WWOX: variants seen among roughly 807,000 people sequenced by gnomAD.
The protein encoded by WWOX is WW domain containing oxidoreductase, also known as WW domain-containing oxidoreductase.
A neutral mutation model predicts 46.2 loss-of-function variants in WWOX; 69 were observed. The observed-to-expected ratio is 1.49, with a 90% confidence interval of 1.23 to 1.82. WWOX has a LOEUF of 1.82. Ranked by LOEUF, WWOX falls within the 40% of genes most tolerant of loss-of-function variation. The pLI is 0.00. For missense variants in WWOX, 919 were observed against 542.6 expected, an observed-to-expected ratio of 1.69 and a Z score of -6.89; for synonymous variants, 359 against 202.6, an observed-to-expected ratio of 1.77 and a Z score of -6.56.
chr16:79,210,570 T>C (rs1265510403), intron 8 of WWOX, among the ~76,000 whole-genome samples: 1 of 152,154 alleles, frequency 6.6e-6, no homozygotes, highest in Non-Finnish European at 1.5e-5. Flanking sequence ...GCAACCCCTC[T>C]CCCTCTCATC....
At chr16:78,425,175 C>T (rs1179686232) in intron 7 of WWOX, 120 bp downstream of exon 7, 3 of 1,332,768 alleles carry the variant, frequency 2.3e-6, no homozygotes, top group Non-Finnish European at 3.2e-6. Context: ...TGGGTGGACT[C>T]AGCTTGGCTC....
At chr16:78,864,992 A>G (rs1464909806) in intron 8 of WWOX, among the ~76,000 whole-genome samples, 3 of 151,510 alleles carry the variant, frequency 2.0e-5, no homozygotes, top group African/African-American at 7.3e-5. Flanking sequence ...TGAACTCCTG[A>G]CCTCAAGTGA....
intron 8 of WWOX, among the ~76,000 whole-genome samples, chr16:78,948,003 G>C (rs1273614507): frequency 6.6e-6 from 1 of 152,228 alleles, no homozygotes; most frequent in Non-Finnish European, 1.5e-5. Flanking sequence ...CAAAGGCAGA[G>C]GGAGGAAGGG....
At chr16:78,654,536 T>C (rs2047038251) in intron 8 of WWOX, among the ~76,000 whole-genome samples, 1 of 152,208 alleles carries the variant, frequency 6.6e-6, no homozygotes, top group African/African-American at 2.4e-5. Context: ...CTGAGCTCTT[T>C]GGAGAAGAGG....
intron 5 of WWOX, among the ~76,000 whole-genome samples, chr16:78,209,216 G>A (rs1042769330): frequency 1.1e-4 from 17 of 150,962 alleles, no homozygotes; most frequent in African/African-American, 4.1e-4. Context: ...ATTTGTTGTC[G>A]TGATGTGACT....
chr16:79,015,809 C>T (rs1056449026), intron 8 of WWOX, among the ~76,000 whole-genome samples: 3 of 152,076 alleles, frequency 2.0e-5, no homozygotes, highest in African/African-American at 4.8e-5. Flanking sequence ...TGGAGTGCAG[C>T]GGTGTGATCT....
Position 78,819,073 on chromosome 16 carries a change from C to T in WWOX, c.1056+386321C>T, listed in dbSNP as rs58904449. On this transcript the variant is annotated intron_variant, in intron 8 of 8. Transcript: ENST00000566780. ...CGAAGCACTTAGCACATGAGCAGGC[C>T]CATAGTACTCAGGTGTTCATTCCAC... Among the ~76,000 whole-genome samples, 749 of 152,246 alleles carry T rather than the reference C, an allele frequency of 4.9e-3. 9 individuals are homozygous for T. Among genetic ancestry groups the T allele is most frequent in the African/African-American group, 0.017 (705 of 41,518 alleles).
intron 5 of WWOX, among the ~76,000 whole-genome samples, chr16:78,313,808 C>G (rs950866548): frequency 1.3e-5 from 2 of 152,200 alleles, no homozygotes; most frequent in Non-Finnish European, 1.5e-5. Context: ...TTTGGTTTCA[C>G]TAGCCTTTGA....
In WWOX at chr16:79,163,017, A is replaced by G. The variant is rs58117090; in HGVS notation, c.1057-48591A>G. On this transcript the variant is annotated intron_variant, in intron 8 of 8. Transcript: ENST00000566780. The stretch of plus-strand genomic sequence containing the variant: ...TATGGTTTAGAGAAAGCGCCTTTCA[A>G]CAGTCACATGCAAGTATTCTTTCAG... Among the ~76,000 whole-genome samples, 1,180 of 152,364 alleles carry G rather than the reference A, an allele frequency of 7.7e-3. 16 individuals carry two copies. The highest frequency in any genetic ancestry group is 0.027 in the African/African-American group (1,120 of 41,588).
chr16:78,766,451 C>T (rs1202657909), intron 8 of WWOX, among the ~76,000 whole-genome samples: 2 of 152,118 alleles, frequency 1.3e-5, no homozygotes, highest in East Asian at 1.9e-4. Flanking sequence ...AGCCGGCTGT[C>T]GTGTCTCCTC....
chr16:78,497,290 T>A (rs2084941006), intron 8 of WWOX, among the ~76,000 whole-genome samples: 1 of 152,230 alleles, frequency 6.6e-6, no homozygotes. Context: ...GTTCTTTTCT[T>A]ACCTCACACC....
At chr16:78,741,025 A>C (rs1231921439) in intron 8 of WWOX, among the ~76,000 whole-genome samples, 1 of 152,152 alleles carries the variant, frequency 6.6e-6, no homozygotes, top group Non-Finnish European at 1.5e-5. Context: ...ACGATGATCC[A>C]CTGGGGCAGT....
chr16:78,296,321 G>A (rs1348578181), intron 5 of WWOX, among the ~76,000 whole-genome samples: 1 of 151,852 alleles, frequency 6.6e-6, no homozygotes, highest in Non-Finnish European at 1.5e-5. Context: ...CTCCTGAAAT[G>A]AAAATGTAAC....
chr16:79,172,658 G>T (rs1454243742), intron 8 of WWOX, among the ~76,000 whole-genome samples: 1 of 152,122 alleles, frequency 6.6e-6, no homozygotes, highest in Non-Finnish European at 1.5e-5. Context: ...AAACTGTGAG[G>T]TGTTTTTTTG....
At chr16:79,127,669 G>A (rs991178117) in intron 8 of WWOX, among the ~76,000 whole-genome samples, 7 of 152,242 alleles carry the variant, frequency 4.6e-5, no homozygotes, top group African/African-American at 1.2e-4. Context: ...CACTCCGGTC[G>A]TTTTCATAGA....
chr16:78,641,060 C>G (rs1334372763), intron 8 of WWOX, among the ~76,000 whole-genome samples: 2 of 151,944 alleles, frequency 1.3e-5, no homozygotes, highest in Non-Finnish European at 2.9e-5. Context: ...TAACATAGAA[C>G]AGCTGAAACA....
At chr16:78,863,360 A>C (rs2043934205) in intron 8 of WWOX, among the ~76,000 whole-genome samples, 1 of 152,200 alleles carries the variant, frequency 6.6e-6, no homozygotes, top group Admixed American at 6.5e-5. Context: ...CTCTAGGCCA[A>C]GTGTTCTTAA....
chr16:78,816,455 C>G (rs957146643), intron 8 of WWOX, among the ~76,000 whole-genome samples: 1 of 140,466 alleles, frequency 7.1e-6, no homozygotes, highest in Non-Finnish European at 1.5e-5. Context: ...AGAGCTTACT[C>G]AAAATCCTGC....
In WWOX at chr16:78,411,998, A is replaced by G. The variant is rs184897354; in HGVS notation, c.606-12872A>G. Among the ~76,000 whole-genome samples the G allele has an allele frequency of 4.1e-3, 628 of 152,320 alleles. 1 individual carries two copies. Among genetic ancestry groups the G allele is most frequent in the Admixed American group, 7.4e-3 (113 of 15,302 alleles). On this transcript the variant is annotated intron_variant, in intron 6 of 8. Coordinates refer to ENST00000566780, the MANE Select transcript of WWOX (RefSeq NM_016373.4). ...ATCACCGAGTTGGTCCTCCTTGTCA[A>G]CAGAGCATGTGTGTGGGGGTGATGA... is the stretch of plus-strand genomic sequence containing the variant.
Sources: gnomAD v4.1 joint callset for allele counts (sites outside exome capture counted in the v4.1 genomes callset) on GRCh38, gnomAD v4.1.1 for gene constraint, MANE v1.5 for transcripts, NCBI Gene and HGNC (gene_info 2026-07-23, HGNC 2026-07-21) for gene names.